LRRTM3: variants seen among roughly 807,000 people sequenced by gnomAD.
LRRTM3 encodes the protein leucine rich repeat transmembrane neuronal 3, also known as leucine-rich repeat transmembrane neuronal protein 3.
LRRTM3 carries 24 observed loss-of-function variants against 44.7 expected under a neutral mutation model. The ratio of observed to expected loss-of-function variants is 0.54; its 90% confidence interval spans 0.39 to 0.76. LRRTM3 has a LOEUF of 0.76. Ranked by LOEUF, LRRTM3 falls within the 30% of genes least tolerant of loss-of-function variation. LRRTM3 has a pLI of 0.00. For missense variants in LRRTM3, 587 were observed against 702.2 expected, an observed-to-expected ratio of 0.84 and a Z score of 1.85; for synonymous variants, 277 against 278.7, an observed-to-expected ratio of 0.99 and a Z score of 0.06.
intron 2 of LRRTM3, among the ~76,000 whole-genome samples, chr10:67,092,300 G>T (rs75442175): frequency 0.017 from 2,640 of 151,926 alleles, 82 homozygotes; most frequent in East Asian, 0.11. Flanking sequence ...TTCTCTCAAT[G>T]AGTAGAGATA....
intron 2 of LRRTM3, among the ~76,000 whole-genome samples, chr10:67,044,636 TAA>T (rs1854612764): frequency 1.3e-5 from 2 of 152,324 alleles, no homozygotes; most frequent in South Asian, 4.1e-4. Context: ...CATGTTATAT[TAA>T]GTTTGTGAAA....
At chr10:67,012,184 T>C (rs1470748584) in intron 2 of LRRTM3, 3 of 152,256 alleles carry the variant, frequency 2.0e-5, no homozygotes, top group Non-Finnish European at 4.4e-5. Flanking sequence ...CAGTGTGTGA[T>C]GCACTTCCTA....
intron 2 of LRRTM3, among the ~76,000 whole-genome samples, chr10:66,955,986 G>A (rs1470236770): frequency 6.6e-6 from 1 of 152,082 alleles, no homozygotes; most frequent in Admixed American, 6.6e-5. Flanking sequence ...AGAAAGGGGT[G>A]CTCAAATCTA....
At position 67,080,726 on chromosome 10, in the gene LRRTM3, A is replaced by G. The variant is rs573522129; in HGVS notation, c.1537-16861A>G. On this transcript the variant is annotated intron_variant, in intron 2 of 2. Coordinates refer to ENST00000361320, the MANE Select transcript of LRRTM3 (RefSeq NM_178011.5). ...AGATCGAGACCATCCTGGCTAACAC[A>G]GTGAAACCCCATCTCTACTAAAAAT... is the stretch of plus-strand genomic sequence containing the variant. Among the ~76,000 whole-genome samples the G allele has an allele frequency of 6.0e-3, 915 of 151,980 alleles. 8 individuals carry two copies. Among genetic ancestry groups the G allele is most frequent in the African/African-American group, 0.021 (852 of 41,490 alleles).
At chr10:67,009,555 C>A (rs1852198176) in intron 2 of LRRTM3, among the ~76,000 whole-genome samples, 1 of 151,888 alleles carries the variant, frequency 6.6e-6, no homozygotes, top group Non-Finnish European at 1.5e-5. Context: ...TTGTCCGTAT[C>A]ATATCTAGTA....
intron 2 of LRRTM3, among the ~76,000 whole-genome samples, chr10:66,957,507 C>A (rs561496993): frequency 6.7e-6 from 1 of 148,662 alleles, no homozygotes; most frequent in South Asian, 2.1e-4. Flanking sequence ...TTTTCTTGTA[C>A]TCTTGGGCAT....
At chr10:66,975,637 T>C (rs1307626638) in intron 2 of LRRTM3, among the ~76,000 whole-genome samples, 2 of 152,208 alleles carry the variant, frequency 1.3e-5, no homozygotes, top group African/African-American at 4.8e-5. Context: ...GGTTTGTGTA[T>C]AACTTTTCAG....
chr10:67,064,133 A>G (rs1198724810), intron 2 of LRRTM3, among the ~76,000 whole-genome samples: 2 of 152,158 alleles, frequency 1.3e-5, no homozygotes, highest in African/African-American at 4.8e-5. Context: ...TAGCCTATCA[A>G]CTTGTTTTTT....
At chr10:67,049,468 C>G (rs909456222) in intron 2 of LRRTM3, among the ~76,000 whole-genome samples, 3 of 152,124 alleles carry the variant, frequency 2.0e-5, no homozygotes, top group African/African-American at 7.2e-5. Flanking sequence ...ATCCTTGACT[C>G]TAAGAATATA....
At chr10:67,082,864 T>C (rs1014899353) in intron 2 of LRRTM3, among the ~76,000 whole-genome samples, 1 of 152,164 alleles carries the variant, frequency 6.6e-6, no homozygotes, top group Non-Finnish European at 1.5e-5. Flanking sequence ...CACAATATTA[T>C]GAGTCAAGCA....
chr10:67,005,094 G>A (rs1851894018), intron 2 of LRRTM3, among the ~76,000 whole-genome samples: 1 of 152,100 alleles, frequency 6.6e-6, no homozygotes, highest in Admixed American at 6.6e-5. Context: ...TTTTCCTATG[G>A]ATTATTTTTT....
In LRRTM3 at chr10:66,952,806, C is replaced by T. The variant is rs10997452; in HGVS notation, c.1536+24354C>T. 0.02 allele frequency among the ~76,000 whole-genome samples: 3,023 copies of T among 151,810 alleles called. 211 individuals are homozygous for T. The East Asian group carries it at 0.25, about 13-fold the overall frequency. ...AGTTGTTAAATATTTTGAAAATTAGCCCTGCTTGTAATTTATTATATAATT... is the reference window on the plus strand; with the variant it reads ...AGTTGTTAAATATTTTGAAAATTAGTCCTGCTTGTAATTTATTATATAATT... On this transcript the variant is annotated intron_variant, in intron 2 of 2. Coordinates refer to ENST00000361320, the MANE Select transcript of LRRTM3 (RefSeq NM_178011.5).
intron 2 of LRRTM3, among the ~76,000 whole-genome samples, chr10:67,023,796 A>G (rs1853180499): frequency 6.6e-6 from 1 of 152,214 alleles, no homozygotes; most frequent in African/African-American, 2.4e-5. Flanking sequence ...TATACAAGAA[A>G]GCATGTAAGA....
At chr10:67,004,376 G>C (rs1341753021) in intron 2 of LRRTM3, among the ~76,000 whole-genome samples, 5 of 152,214 alleles carry the variant, frequency 3.3e-5, no homozygotes, top group Admixed American at 2.6e-4. Context: ...TGATGAGGAT[G>C]AGAAAAGGAG....
rs578041965 is a variant in LRRTM3 at position 67,057,080 on chromosome 10, G to A, written c.1537-40507G>A. Among the ~76,000 whole-genome samples, 204 of 152,232 alleles carry A rather than the reference G, an allele frequency of 1.3e-3. 1 individual carries two copies. The highest frequency in any genetic ancestry group is 4.6e-3 in the African/African-American group (192 of 41,546). On this transcript the variant is annotated intron_variant, in intron 2 of 2. Transcript: ENST00000361320. ...ATTGGCTTCTTCTCTAGTCTAATTG[G>A]TTAGAAAAGTTAGCTGATCTAAAAC...
At chr10:67,020,760 C>T (rs1436452977) in intron 2 of LRRTM3, among the ~76,000 whole-genome samples, 1 of 152,100 alleles carries the variant, frequency 6.6e-6, no homozygotes, top group African/African-American at 2.4e-5. Context: ...TAGATTAATT[C>T]TAATGGAATG....
chr10:66,965,008 A>G (rs1195844302), intron 2 of LRRTM3, among the ~76,000 whole-genome samples: 2 of 152,244 alleles, frequency 1.3e-5, no homozygotes, highest in African/African-American at 4.8e-5. Context: ...TAAGATTGCC[A>G]CGTTCCACTC....
chr10:67,064,152 A>G (rs188284975), intron 2 of LRRTM3, among the ~76,000 whole-genome samples: 221 of 152,260 alleles, frequency 1.5e-3, no homozygotes, highest in African/African-American at 5.1e-3. Flanking sequence ...TTTCATGAAT[A>G]TGATAACTAC....
intron 2 of LRRTM3, among the ~76,000 whole-genome samples, chr10:66,972,923 T>C (rs1022964220): frequency 6.6e-6 from 1 of 151,862 alleles, no homozygotes; most frequent in Non-Finnish European, 1.5e-5. Flanking sequence ...TGTTGACAAG[T>C]TTCATAGATT....
Sources: gnomAD v4.1 joint callset for allele counts (sites outside exome capture counted in the v4.1 genomes callset) on GRCh38, gnomAD v4.1.1 for gene constraint, MANE v1.5 for transcripts, NCBI Gene and HGNC (gene_info 2026-07-23, HGNC 2026-07-21) for gene names.